The following CSGALNACT1 variants were observed in gnomAD, a reference collection of about 807,000 sequenced individuals.
CSGALNACT1 encodes beta4GalNAcT-1.
In CSGALNACT1, 52 loss-of-function variants were observed where a neutral mutation model predicts 51.0. The observed-to-expected ratio is 1.02, with a 90% CI of 0.82 to 1.29. The LOEUF is 1.29. Ranked by LOEUF, CSGALNACT1 falls within the 50% of genes most tolerant of loss-of-function variation. The pLI is 0.00. For missense variants in CSGALNACT1, 935 were observed against 679.2 expected, an observed-to-expected ratio of 1.38 and a Z score of -4.19; for synonymous variants, 341 against 254.4, an observed-to-expected ratio of 1.34 and a Z score of -3.24.
At chr8:19,475,556 G>C (rs1050542705) in intron 4 of CSGALNACT1, among the ~76,000 whole-genome samples, 2 of 152,048 alleles carry the variant, frequency 1.3e-5, no homozygotes, top group Admixed American at 6.6e-5. Flanking sequence ...CACAACCTTG[G>C]AAACACAGAC....
chr8:19,736,748 G>A (rs1287788648), intron 1 of CSGALNACT1, among the ~76,000 whole-genome samples: 1 of 152,080 alleles, frequency 6.6e-6, no homozygotes, highest in Non-Finnish European at 1.5e-5. Context: ...ATAGAAATAT[G>A]AACTAGATTT....
chr8:19,413,618 C>A (rs1472867097), intron 8 of CSGALNACT1, among the ~76,000 whole-genome samples: 1 of 152,146 alleles, frequency 6.6e-6, no homozygotes, highest in Non-Finnish European at 1.5e-5. Context: ...AACTGAACTG[C>A]AATAGTAAAA....
intron 6 of CSGALNACT1, among the ~76,000 whole-genome samples, chr8:19,424,011 G>T (rs924809425): frequency 6.6e-6 from 1 of 152,150 alleles, no homozygotes; most frequent in Non-Finnish European, 1.5e-5. Context: ...CCTGCCCCAC[G>T]CAGGACTCTG....
chr8:19,519,014 T>A (rs148275837), intron 3 of CSGALNACT1, among the ~76,000 whole-genome samples: 13 of 152,328 alleles, frequency 8.5e-5, no homozygotes, highest in South Asian at 2.1e-4. Flanking sequence ...GAACTGACGA[T>A]GAGAAACAAT....
At chr8:19,704,468 T>C (rs1212106456) in intron 1 of CSGALNACT1, among the ~76,000 whole-genome samples, 1 of 152,180 alleles carries the variant, frequency 6.6e-6, no homozygotes, top group Middle Eastern at 3.2e-3. Flanking sequence ...CCATATACAT[T>C]GTTGATAGGA....
At chr8:19,675,605 G>A (rs1219037880) in intron 1 of CSGALNACT1, among the ~76,000 whole-genome samples, 1 of 152,080 alleles carries the variant, frequency 6.6e-6, no homozygotes, top group Admixed American at 6.6e-5. Flanking sequence ...TGATTCTCCT[G>A]CCTCAGCCTC....
chr8:19,487,617 A>C (rs1587017687), intron 4 of CSGALNACT1, among the ~76,000 whole-genome samples: 1 of 152,190 alleles, frequency 6.6e-6, no homozygotes, highest in African/African-American at 2.4e-5. Context: ...ATAAACTCCA[A>C]CAGCCGAAAA....
chr8:19,508,402 T>G (rs1275087331), intron 3 of CSGALNACT1, among the ~76,000 whole-genome samples: 1 of 152,254 alleles, frequency 6.6e-6, no homozygotes, highest in African/African-American at 2.4e-5. Context: ...AAGGATTCTC[T>G]CTACTGTAAT....
chr8:19,505,648 C>T, exon 4 of CSGALNACT1: 2 of 1,614,180 alleles, frequency 1.2e-6, no homozygotes, highest in Non-Finnish European at 1.7e-6. Context: ...TCCTCCCACT[C>T]CTGAAGGACG....
At chr8:19,527,331 T>C (rs1322079458) in intron 3 of CSGALNACT1, among the ~76,000 whole-genome samples, 1 of 152,144 alleles carries the variant, frequency 6.6e-6, no homozygotes, top group African/African-American at 2.4e-5. Context: ...CCAGGAACAG[T>C]GGCTCACACC....
intron 3 of CSGALNACT1, among the ~76,000 whole-genome samples, chr8:19,572,351 A>G (rs571325734): frequency 6.6e-5 from 10 of 152,338 alleles, no homozygotes; most frequent in African/African-American, 2.4e-4. Flanking sequence ...ATTCAGTGAA[A>G]CAACAGCAGT....
At position 19,463,085 on chromosome 8, in the gene CSGALNACT1, C is replaced by T. The variant is rs117343772; in HGVS notation, c.635-4443G>A. Among the ~76,000 whole-genome samples the T allele has an allele frequency of 7.8e-3, 1,180 of 152,196 alleles. 3 individuals are homozygous for T. The highest frequency in any genetic ancestry group is 0.012 in the Non-Finnish European group (820 of 68,010). On this transcript the variant is annotated intron_variant, in intron 4 of 9. Coordinates refer to ENST00000454498, the Ensembl canonical transcript of CSGALNACT1. ...GTGAGAACATGTGTTATTTGGTTTC[C>T]GGTTTCTGCATTCACTTAGAATAAC...
intron 1 of CSGALNACT1, among the ~76,000 whole-genome samples, chr8:19,755,471 A>AAAAAAAAAAAAAAAAAAAAAAAC (rs1262529031): frequency 6.9e-6 from 1 of 144,660 alleles, no homozygotes; most frequent in African/African-American, 2.5e-5. Flanking sequence ...AAAAAAAAAA[A>AAAAAAAAAAAAAAAAAAAAAAAC]AAAAAAAAAA....
intron 6 of CSGALNACT1, among the ~76,000 whole-genome samples, chr8:19,429,023 C>T (rs758144118): frequency 2.4e-4 from 37 of 152,200 alleles, no homozygotes; most frequent in Non-Finnish European, 4.4e-4. Flanking sequence ...GTTTTCATCA[C>T]CCCAAAAGGA....
chr8:19,516,077 A>T (rs757557862), intron 3 of CSGALNACT1, among the ~76,000 whole-genome samples: 19 of 152,080 alleles, frequency 1.2e-4, no homozygotes, highest in Non-Finnish European at 2.2e-4. Context: ...TCTCACCCCA[A>T]ACTGAGAACC....
chr8:19,404,702 C>T (rs116759812), exon 10 of CSGALNACT1: 24 of 454,202 alleles, frequency 5.3e-5, no homozygotes, highest in East Asian at 3.5e-4. Flanking sequence ...TTGGTTCACA[C>T]GGTATACTTT....
chr8:19,532,878 A>G (rs1030733875), intron 3 of CSGALNACT1, among the ~76,000 whole-genome samples: 2 of 152,168 alleles, frequency 1.3e-5, no homozygotes, highest in Non-Finnish European at 2.9e-5. Flanking sequence ...GTGAACTACA[A>G]AACAAGCTGC....
chr8:19,474,094 A>G (rs2068830137), intron 4 of CSGALNACT1, among the ~76,000 whole-genome samples: 1 of 152,240 alleles, frequency 6.6e-6, no homozygotes, highest in Non-Finnish European at 1.5e-5. Flanking sequence ...ACAATAAATA[A>G]TAACAATGGT....
At chr8:19,515,510 T>C (rs1253450363) in intron 3 of CSGALNACT1, among the ~76,000 whole-genome samples, 1 of 152,148 alleles carries the variant, frequency 6.6e-6, no homozygotes, top group African/African-American at 2.4e-5. Flanking sequence ...AAAAGAATTC[T>C]CAATAGAAAA....
Sources: gnomAD v4.1 joint callset for allele counts (sites outside exome capture counted in the v4.1 genomes callset) on GRCh38, gnomAD v4.1.1 for gene constraint, MANE v1.5 for transcripts, NCBI Gene and HGNC (gene_info 2026-07-23, HGNC 2026-07-21) for gene names.